The following LRBA variants were observed in gnomAD, a reference collection of about 807,000 sequenced individuals.
LRBA encodes the protein LPS responsive beige-like anchor protein, also known as lipopolysaccharide-responsive and beige-like anchor protein.
In LRBA, 176 loss-of-function variants were observed where a neutral mutation model predicts 330.0. The ratio of observed to expected loss-of-function variants is 0.53; its 90% CI spans 0.47 to 0.60. The LOEUF (loss-of-function observed/expected upper bound fraction) is 0.60, where lower values mean the gene tolerates loss of function less well. LRBA is among the 20% of genes least tolerant of loss of function. LRBA has a pLI of 0.00. For synonymous variants in LRBA, 1,230 were observed against 1,193.0 expected, an observed-to-expected ratio of 1.03 and a Z score of -0.64; for missense variants, 3,259 against 3,444.8, an observed-to-expected ratio of 0.95 and a Z score of 1.35.
intron 30 of LRBA, among the ~76,000 whole-genome samples, chr4:150,819,439 C>G (rs62346348): frequency 0.12 from 18,737 of 151,648 alleles, 2,448 homozygotes; most frequent in African/African-American, 0.34. Context: ...AAACTGTATT[C>G]ATCTCCAGTT....
At position 150,310,307 on chromosome 4, in the gene LRBA, C is replaced by A. The variant is rs1361119944; in HGVS notation, c.7771G>T (p.Val2591Phe). The A allele has an allele frequency of 6.2e-7, 1 of 1,612,864 alleles. No homozygotes were observed. Among genetic ancestry groups the A allele is most frequent in the African/African-American group, 1.3e-5 (1 of 75,004 alleles). ...ATATAGCGGTTGTCTGAAGTGATGA[C>A]AAAGCACTGGGAATGCACTTGAATA... The part of the protein sequence containing the change: ...QSIQVHSQCF[V>F]ITSDNRYILV... The change falls in exon 52 of 57, where the codon GTC (valine) becomes TTC (phenylalanine). Residue 2591 changes from valine to phenylalanine, a missense_variant. Transcript: ENST00000651943.
intron 9 of LRBA, among the ~76,000 whole-genome samples, chr4:150,910,243 T>C (rs890129924): frequency 1.3e-5 from 2 of 152,228 alleles, no homozygotes; most frequent in Admixed American, 1.3e-4. Context: ...TTCAATGTCG[T>C]AAAGCTTTTC....
intron 42 of LRBA, among the ~76,000 whole-genome samples, chr4:150,478,203 G>C (rs943613437): frequency 6.6e-6 from 1 of 151,942 alleles, no homozygotes; most frequent in South Asian, 2.1e-4. Context: ...CAATTACTAG[G>C]CCTTTCTTTT....
chr4:150,887,642 G>A (rs888874888), intron 17 of LRBA, among the ~76,000 whole-genome samples: 2 of 151,552 alleles, frequency 1.3e-5, no homozygotes, highest in East Asian at 1.9e-4. Flanking sequence ...GCTGGCGGGC[G>A]CCTGTAGTCA....
chr4:150,521,049 A>G (rs1159629982), intron 40 of LRBA, among the ~76,000 whole-genome samples: 1 of 152,122 alleles, frequency 6.6e-6, no homozygotes, highest in Non-Finnish European at 1.5e-5. Context: ...CCAATTTATT[A>G]TTTTCATGGC....
chr4:150,664,661 C>T (rs1781412781), intron 37 of LRBA, among the ~76,000 whole-genome samples: 2 of 152,082 alleles, frequency 1.3e-5, no homozygotes, highest in African/African-American at 4.8e-5. Flanking sequence ...AGGTTTAGTG[C>T]ACATTATATA....
chr4:150,289,156 G>A (rs1355638124), intron 53 of LRBA, among the ~76,000 whole-genome samples: 1 of 152,114 alleles, frequency 6.6e-6, no homozygotes, highest in Non-Finnish European at 1.5e-5. Context: ...ACTCCAGAAG[G>A]TGGGTTAAGA....
At chr4:150,994,901 C>T (rs1742472413) in intron 2 of LRBA, among the ~76,000 whole-genome samples, 1 of 152,170 alleles carries the variant, frequency 6.6e-6, no homozygotes, top group Admixed American at 6.5e-5. Context: ...GCACTGAAAC[C>T]AGCCTCTCCC....
chr4:150,628,013 C>T (rs1266999752), intron 37 of LRBA, among the ~76,000 whole-genome samples: 3 of 151,992 alleles, frequency 2.0e-5, no homozygotes, highest in Non-Finnish European at 2.9e-5. Flanking sequence ...TTTCCTTTTT[C>T]GCCATGTTAA....
intron 47 of LRBA, among the ~76,000 whole-genome samples, chr4:150,403,857 C>T (rs1176240673): frequency 1.3e-5 from 2 of 151,876 alleles, no homozygotes; most frequent in Admixed American, 6.6e-5. Flanking sequence ...ATGGTGAAAC[C>T]CGGTCTCTAC....
intron 36 of LRBA, among the ~76,000 whole-genome samples, chr4:150,709,150 T>C (rs1420198670): frequency 1.3e-5 from 2 of 151,364 alleles, no homozygotes; most frequent in Admixed American, 6.6e-5. Context: ...AGAGGTTCAA[T>C]GAATTTTATC....
chr4:150,614,404 A>G (rs1343179359), intron 37 of LRBA, among the ~76,000 whole-genome samples: 2 of 152,356 alleles, frequency 1.3e-5, no homozygotes, highest in Non-Finnish European at 2.9e-5. Flanking sequence ...AAAAAGTAAG[A>G]AAGTTATTGG....
At chr4:150,478,401 C>A (rs1019961521) in intron 42 of LRBA, among the ~76,000 whole-genome samples, 1 of 152,156 alleles carries the variant, frequency 6.6e-6, no homozygotes. Context: ...TATTCCTAAT[C>A]CCAGTAAATG....
intron 44 of LRBA, among the ~76,000 whole-genome samples, chr4:150,449,106 G>A (rs1753027470): frequency 6.6e-6 from 1 of 152,068 alleles, no homozygotes; most frequent in African/African-American, 2.4e-5. Context: ...TGATGGGAGA[G>A]GAACACCAAA....
intron 46 of LRBA, among the ~76,000 whole-genome samples, chr4:150,426,027 T>C (rs887484804): frequency 2.0e-5 from 3 of 152,036 alleles, no homozygotes; most frequent in Non-Finnish European, 4.4e-5. Context: ...TATAAAAATA[T>C]AATGTGCATG....
At chr4:150,512,289 C>G (rs926044966) in intron 40 of LRBA, among the ~76,000 whole-genome samples, 1 of 152,144 alleles carries the variant, frequency 6.6e-6, no homozygotes, top group Non-Finnish European at 1.5e-5. Flanking sequence ...TTCAAATGAC[C>G]TTTCATAACT....
chr4:150,463,957 T>C lies in LRBA; in HGVS notation c.6780+3716A>G, dbSNP rs572737892. ...TGGTGTTAGGATGAGGTAAAAGGGTTATGAGAACTTTTGGTCAGGTACAAA... is the reference window on the plus strand; with the variant it reads ...TGGTGTTAGGATGAGGTAAAAGGGTCATGAGAACTTTTGGTCAGGTACAAA... On this transcript the variant is annotated intron_variant, in intron 44 of 56. Coordinates refer to ENST00000651943, the MANE Select transcript of LRBA (RefSeq NM_001364905.1). Among the ~76,000 whole-genome samples the C allele has an allele frequency of 6.6e-5, 10 of 151,188 alleles. No individual in the cohort carries two copies. In the East Asian group the frequency reaches 1.8e-3, roughly 27 times the overall value.
intron 2 of LRBA, among the ~76,000 whole-genome samples, chr4:150,949,285 C>T (rs1221685291): frequency 6.6e-6 from 1 of 152,082 alleles, no homozygotes; most frequent in African/African-American, 2.4e-5. Flanking sequence ...ACTATTGACA[C>T]ACACAGCAAT....
intron 33 of LRBA, among the ~76,000 whole-genome samples, chr4:150,798,805 T>C (rs982989544): frequency 1.4e-4 from 21 of 152,184 alleles, no homozygotes; most frequent in Middle Eastern, 3.2e-3. Flanking sequence ...CAATAAAATA[T>C]AAAGTAGTTC....
Sources: allele counts gnomAD v4.1 joint callset (sites outside exome capture counted in the v4.1 genomes callset), GRCh38; gene constraint gnomAD v4.1.1; transcripts MANE v1.5; gene names NCBI Gene and HGNC (gene_info 2026-07-23, HGNC 2026-07-21).